MACROD2: variants seen among roughly 807,000 people sequenced by gnomAD.
MACROD2 encodes ADP-ribose glycohydrolase MACROD2.
Under a neutral mutation model 70.4 loss-of-function variants are expected in MACROD2, and 36 were observed. That is an observed-to-expected ratio of 0.51 (90% CI 0.39 to 0.68). The LOEUF (loss-of-function observed/expected upper bound fraction) is 0.68, where lower values mean the gene tolerates loss of function less well. MACROD2 is among the 30% of genes least tolerant of loss of function. The pLI is 0.00. For synonymous variants in MACROD2, 172 were observed against 178.8 expected, an observed-to-expected ratio of 0.96 and a Z score of 0.30; for missense variants, 496 against 538.4, an observed-to-expected ratio of 0.92 and a Z score of 0.78.
At chr20:14,424,431 C>G (rs139220416) in intron 3 of MACROD2, among the ~76,000 whole-genome samples, 1 of 152,152 alleles carries the variant, frequency 6.6e-6, no homozygotes, top group Non-Finnish European at 1.5e-5. Context: ...TGATAATTTG[C>G]TTCTTCTTTC....
At chr20:15,668,614 A>C (rs759637288) in intron 8 of MACROD2, among the ~76,000 whole-genome samples, 1 of 151,026 alleles carries the variant, frequency 6.6e-6, no homozygotes, top group Non-Finnish European at 1.5e-5. Context: ...TGCGCATTTC[A>C]TTCACATCAA....
At chr20:14,140,314 A>G (rs1251914025) in intron 3 of MACROD2, among the ~76,000 whole-genome samples, 3 of 152,226 alleles carry the variant, frequency 2.0e-5, no homozygotes, top group African/African-American at 4.8e-5. Context: ...CACTGCTTTC[A>G]TTACACTATA....
intron 6 of MACROD2, among the ~76,000 whole-genome samples, chr20:15,394,580 C>T (rs1376021097): frequency 6.6e-6 from 1 of 152,242 alleles, no homozygotes; most frequent in Non-Finnish European, 1.5e-5. Flanking sequence ...CACTTGAGGT[C>T]ACCCACCATT....
chr20:14,787,300 G>A (rs553407278), intron 5 of MACROD2, among the ~76,000 whole-genome samples: 2 of 150,162 alleles, frequency 1.3e-5, no homozygotes, highest in Non-Finnish European at 3.0e-5. Flanking sequence ...ATATTGTAAC[G>A]TGTGAAAAAA....
intron 3 of MACROD2, among the ~76,000 whole-genome samples, chr20:14,290,845 C>A (rs576054484): frequency 6.6e-6 from 1 of 152,184 alleles, no homozygotes; most frequent in Non-Finnish European, 1.5e-5. Context: ...TAGATAATTT[C>A]GTCTGAAGAC....
chr20:15,652,869 T>A (rs1301423043), intron 8 of MACROD2, among the ~76,000 whole-genome samples: 1 of 152,150 alleles, frequency 6.6e-6, no homozygotes, highest in Non-Finnish European at 1.5e-5. Flanking sequence ...TATGTTAATA[T>A]GAGTAAAATG....
chr20:15,869,315 C>A (rs2064547489), intron 9 of MACROD2, among the ~76,000 whole-genome samples: 1 of 134,670 alleles, frequency 7.4e-6, no homozygotes, highest in African/African-American at 2.7e-5. Flanking sequence ...TGCAGGATAT[C>A]CATGTGCTCA....
At chr20:14,007,164 C>A (rs1388720663) in intron 2 of MACROD2, among the ~76,000 whole-genome samples, 1 of 151,740 alleles carries the variant, frequency 6.6e-6, no homozygotes, top group East Asian at 1.9e-4. Context: ...TTTATCATTC[C>A]TTATTTATTT....
At chr20:14,420,629 TG>T (rs2083865337) in intron 3 of MACROD2, among the ~76,000 whole-genome samples, 1 of 152,318 alleles carries the variant, frequency 6.6e-6, no homozygotes, top group South Asian at 2.1e-4. Context: ...ATATTAATCC[TG>T]TGTAAGATAG....
chr20:14,436,900 G>C (rs947704825), intron 3 of MACROD2, among the ~76,000 whole-genome samples: 2 of 152,192 alleles, frequency 1.3e-5, no homozygotes, highest in Admixed American at 6.5e-5. Context: ...TAAGCACTCT[G>C]TAGATCTTAG....
intron 3 of MACROD2, among the ~76,000 whole-genome samples, chr20:14,333,571 A>T (rs1350516162): frequency 6.6e-6 from 1 of 152,202 alleles, no homozygotes; most frequent in Non-Finnish European, 1.5e-5. Flanking sequence ...AAATGCAATT[A>T]AAAGTTTGCC....
At chr20:15,895,564 G>A (rs1273565132) in intron 10 of MACROD2, among the ~76,000 whole-genome samples, 1 of 152,224 alleles carries the variant, frequency 6.6e-6, no homozygotes, top group African/African-American at 2.4e-5. Context: ...AGGTTCGAGA[G>A]GCTGAAGAAG....
At chr20:15,876,419 C>A (rs6135583) in intron 9 of MACROD2, among the ~76,000 whole-genome samples, 7,126 of 152,014 alleles carry the variant, frequency 0.047, 337 homozygotes, top group East Asian at 0.23. Flanking sequence ...CAGCTTCATC[C>A]ATGTCCCTAC....
intron 8 of MACROD2, among the ~76,000 whole-genome samples, chr20:15,528,945 T>C (rs1484834989): frequency 6.6e-6 from 1 of 152,182 alleles, no homozygotes; most frequent in African/African-American, 2.4e-5. Flanking sequence ...TTTTGACCAT[T>C]TGGGTAATGT....
chr20:15,651,792 A>T (rs1463540026), intron 8 of MACROD2, among the ~76,000 whole-genome samples: 2 of 152,070 alleles, frequency 1.3e-5, no homozygotes, highest in Admixed American at 6.6e-5. Flanking sequence ...TCCCATCTCG[A>T]TCTCTATAAA....
intron 1 of MACROD2, among the ~76,000 whole-genome samples, chr20:13,997,757 T>C (rs1487245247): frequency 6.6e-6 from 1 of 152,188 alleles, no homozygotes; most frequent in South Asian, 2.1e-4. Flanking sequence ...TGAAGTTTAA[T>C]GTTAAAGGAA....
intron 12 of MACROD2, among the ~76,000 whole-genome samples, chr20:15,941,047 G>C (rs1261600963): frequency 6.6e-6 from 1 of 152,160 alleles, no homozygotes; most frequent in Non-Finnish European, 1.5e-5. Flanking sequence ...GAAGCACACT[G>C]TTTGTGATGT....
intron 7 of MACROD2, among the ~76,000 whole-genome samples, chr20:15,498,618 C>T (rs1447149785): frequency 6.6e-6 from 1 of 152,118 alleles, no homozygotes; most frequent in East Asian, 1.9e-4. Flanking sequence ...GAAGAAGTCA[C>T]ACATTCATCA....
At chr20:15,870,626 T>C (rs1291662029) in intron 9 of MACROD2, among the ~76,000 whole-genome samples, 1 of 152,100 alleles carries the variant, frequency 6.6e-6, no homozygotes, top group African/African-American at 2.4e-5. Flanking sequence ...CACCATGTGA[T>C]GATGTAGCAG....
Sources: allele counts gnomAD v4.1 joint callset (sites outside exome capture counted in the v4.1 genomes callset), GRCh38; gene constraint gnomAD v4.1.1; transcripts MANE v1.5; gene names NCBI Gene and HGNC (gene_info 2026-07-23, HGNC 2026-07-21).